FSTL4: variants seen among roughly 807,000 people sequenced by gnomAD.
FSTL4 encodes the protein follistatin like 4, also known as follistatin-related protein 4.
FSTL4 carries 28 observed loss-of-function variants against 78.2 expected under a neutral mutation model. That is an observed-to-expected ratio of 0.36 (90% confidence interval 0.27 to 0.49). FSTL4 has a LOEUF of 0.49. Among genes scored for constraint, FSTL4 ranks in the 20% least tolerant of loss-of-function variants. The pLI is 0.98. For missense variants in FSTL4, 922 were observed against 1,084.9 expected (o/e 0.85, Z 2.11); for synonymous variants, 422 against 440.5 (o/e 0.96, Z 0.53).
intron 1 of FSTL4, among the ~76,000 whole-genome samples, chr5:133,606,553 A>T (rs1171922341): frequency 6.6e-6 from 1 of 152,260 alleles, no homozygotes; most frequent in Non-Finnish European, 1.5e-5. Flanking sequence ...TTTAAAAACC[A>T]GCCATAGAAA....
intron 5 of FSTL4, among the ~76,000 whole-genome samples, chr5:133,313,531 G>A (rs1031256768): frequency 1.3e-5 from 2 of 152,126 alleles, no homozygotes; most frequent in Non-Finnish European, 1.5e-5. Flanking sequence ...CTCAGCTGGA[G>A]CTACAGCCAG....
At chr5:133,413,671 A>G (rs2126981724) in intron 3 of FSTL4, among the ~76,000 whole-genome samples, 1 of 152,260 alleles carries the variant, frequency 6.6e-6, no homozygotes, top group Middle Eastern at 3.4e-3. Flanking sequence ...CTAATTAGAA[A>G]TATGCTACAA....
At chr5:133,389,662 C>T (rs1755792674) in intron 4 of FSTL4, among the ~76,000 whole-genome samples, 2 of 152,204 alleles carry the variant, frequency 1.3e-5, no homozygotes, top group Admixed American at 1.3e-4. Context: ...CCCTTCATAT[C>T]CTCTGATGTC....
At chr5:133,209,860 C>CA (rs1222714193) in intron 14 of FSTL4, 7 of 229,296 alleles carry the variant, frequency 3.1e-5, no homozygotes, top group African/African-American at 6.7e-5. Context: ...CACTATTCTT[C>CA]AGCCTCCCTT....
chr5:133,308,444 T>A (rs1753704294), intron 6 of FSTL4, among the ~76,000 whole-genome samples: 2 of 152,200 alleles, frequency 1.3e-5, no homozygotes, highest in South Asian at 4.1e-4. Flanking sequence ...GCTCCTTGTC[T>A]GAACTCACCC....
At chr5:133,259,896 T>C (rs1046199942) in intron 6 of FSTL4, among the ~76,000 whole-genome samples, 5 of 152,122 alleles carry the variant, frequency 3.3e-5, no homozygotes, top group Non-Finnish European at 5.9e-5. Flanking sequence ...TGAAGCAGGC[T>C]GGGAGGGGAG....
At chr5:133,832,987 G>GT in the FSTL4 span, among the ~76,000 whole-genome samples, 3 of 151,998 alleles carry the variant, frequency 2.0e-5, no homozygotes, top group East Asian at 5.8e-4. Context: ...ATTTTTGAAT[G>GT]TTTAAAAAAA....
chr5:133,346,757 A>G (rs1754704939), intron 4 of FSTL4, among the ~76,000 whole-genome samples: 1 of 152,014 alleles, frequency 6.6e-6, no homozygotes, highest in Non-Finnish European at 1.5e-5. Flanking sequence ...CTGGGTTGAT[A>G]TTAGTTAGAT....
the FSTL4 span, among the ~76,000 whole-genome samples, chr5:133,675,442 G>A: frequency 3.3e-5 from 5 of 152,250 alleles, no homozygotes; most frequent in African/African-American, 1.2e-4. Context: ...AAGGCTGTGG[G>A]TCTGCACGGC....
At chr5:133,378,016 T>C (rs1482729323) in intron 4 of FSTL4, among the ~76,000 whole-genome samples, 1 of 152,084 alleles carries the variant, frequency 6.6e-6, no homozygotes, top group Non-Finnish European at 1.5e-5. Context: ...AAAACAAAAC[T>C]GTAAACAAAG....
At chr5:133,662,774 T>C in the FSTL4 span, among the ~76,000 whole-genome samples, 2 of 152,190 alleles carry the variant, frequency 1.3e-5, no homozygotes, top group Admixed American at 1.3e-4. Flanking sequence ...TCAACGTGGC[T>C]CAGGCTGCCA....
At chr5:133,292,147 C>T (rs942020864) in intron 6 of FSTL4, among the ~76,000 whole-genome samples, 4 of 152,116 alleles carry the variant, frequency 2.6e-5, no homozygotes, top group African/African-American at 4.8e-5. Context: ...TGGTACTTCC[C>T]GAGCCTGGGT....
the FSTL4 span, among the ~76,000 whole-genome samples, chr5:133,723,060 G>C: frequency 1.3e-5 from 2 of 152,166 alleles, no homozygotes; most frequent in African/African-American, 4.8e-5. Context: ...GCTGCAGCAG[G>C]ACTGGGATCT....
At chr5:133,722,956 C>A in the FSTL4 span, among the ~76,000 whole-genome samples, 1 of 152,144 alleles carries the variant, frequency 6.6e-6, no homozygotes, top group African/African-American at 2.4e-5. Context: ...AGGTCAAAGG[C>A]GTTAGTGATC....
At chr5:133,808,758 T>C in the FSTL4 span, among the ~76,000 whole-genome samples, 1 of 151,994 alleles carries the variant, frequency 6.6e-6, no homozygotes, top group Non-Finnish European at 1.5e-5. Flanking sequence ...TGCCCCTCCA[T>C]GCTTCTGTGC....
At chr5:133,345,847 C>G (rs1754687142) in intron 4 of FSTL4, among the ~76,000 whole-genome samples, 1 of 152,200 alleles carries the variant, frequency 6.6e-6, no homozygotes, top group African/African-American at 2.4e-5. Context: ...CCTCAAGGAT[C>G]TGGAACCAGA....
rs774687175 is a variant in FSTL4 at position 133,220,775 on chromosome 5, T to A, written c.1431A>T (p.Lys477Asn). The change falls in exon 12 of 16, where the codon AAA becomes AAT. Residue 477 changes from lysine to asparagine, a missense_variant. Coordinates refer to ENST00000265342, the MANE Select transcript of FSTL4 (RefSeq NM_015082.2). ...PVDCEIQRHL[K>N]PTEKIFMSYE... ...AGCTCATGAAAATCTTTTCCGTGGG[T>A]TTGAGGTGCCTCTGGATCTCACAGT... The A allele has an allele frequency of 3.1e-6, 5 of 1,604,716 alleles. No individual in the cohort carries two copies. Among genetic ancestry groups the A allele is most frequent in the Non-Finnish European group, 3.4e-6 (4 of 1,171,550 alleles).
the FSTL4 span, among the ~76,000 whole-genome samples, chr5:133,779,593 AAAACAAAAAAAG>A: frequency 5.3e-5 from 8 of 151,766 alleles, no homozygotes; most frequent in African/African-American, 1.9e-4. Flanking sequence ...CTCAAAAAAC[AAAACAAAAAAAG>A]AAACAAAATA....
chr5:133,755,396 T>C, the FSTL4 span, among the ~76,000 whole-genome samples: 2 of 152,144 alleles, frequency 1.3e-5, no homozygotes, highest in African/African-American at 4.8e-5. Context: ...CCCCTCCACC[T>C]GCTATAGACA....
Sources: gnomAD v4.1 joint callset for allele counts (sites outside exome capture counted in the v4.1 genomes callset) on GRCh38, gnomAD v4.1.1 for gene constraint, MANE v1.5 for transcripts, NCBI Gene and HGNC (gene_info 2026-07-23, HGNC 2026-07-21) for gene names.